The following MANEAL variants were observed in gnomAD, a reference collection of about 807,000 sequenced individuals.
MANEAL encodes glycoprotein endo-alpha-1,2-mannosidase-like protein.
MANEAL carries 28 observed loss-of-function variants against 35.9 expected under a neutral mutation model. The ratio of observed to expected loss-of-function variants is 0.78; its 90% CI spans 0.58 to 1.07. MANEAL has a LOEUF of 1.07. Among genes scored for constraint, MANEAL ranks in the 50% least tolerant of loss-of-function variants. The pLI, the probability that MANEAL is intolerant of heterozygous loss-of-function variation, is 0.00. For missense variants in MANEAL, 576 were observed against 629.6 expected, an observed-to-expected ratio of 0.91 and a Z score of 0.91; for synonymous variants, 286 against 272.2, an observed-to-expected ratio of 1.05 and a Z score of -0.50.
At chr1:37,798,837 A>C (rs1296065889) in intron 3 of MANEAL, among the ~76,000 whole-genome samples, 1 of 152,086 alleles carries the variant, frequency 6.6e-6, no homozygotes, top group East Asian at 1.9e-4. Flanking sequence ...TCAGGAGTTC[A>C]AGACCAGCCT....
In MANEAL at chr1:37,794,320, C is replaced by T; in HGVS notation, c.138C>T (p.Pro46=). ...PALGPGLELA[P]FERRPEGAPA... is the part of the protein sequence containing the mutation. ...TGGGCCCGGGCCTGGAGCTGGCGCC[C>T]TTTGAGCGACGCCCAGAGGGGGCCC... Residue 46 remains proline (P), a synonymous_variant, in exon 1 of 4, where the codon CCC becomes CCT. Transcript: ENST00000373045. This position sits in a 1 kb window ranked among gnomAD's most constrained non-coding sequence, Gnocchi z 5.7. 8.8e-7 allele frequency: 1 copy of T among 1,136,404 alleles called. No homozygotes were observed. The highest frequency in any genetic ancestry group is 1.1e-6 in the Non-Finnish European group (1 of 924,732). 70.4% of individuals were successfully genotyped at this position (1,136,404 alleles called of 1,614,324 possible). A position where few individuals can be genotyped will look rare whatever the true frequency, so the allele number is the denominator to read the frequency against.
chr1:37,797,684 T>A (rs1038423180), intron 3 of MANEAL, among the ~76,000 whole-genome samples: 1 of 152,002 alleles, frequency 6.6e-6, no homozygotes, highest in African/African-American at 2.4e-5. Flanking sequence ...TGCACAGCTA[T>A]GGTCCCAGCT....
In MANEAL at chr1:37,799,052, T is replaced by G. The variant is rs1447268480; in HGVS notation, c.738-515T>G. On this transcript the variant is annotated intron_variant, in intron 3 of 3. Coordinates refer to ENST00000373045, the MANE Select transcript of MANEAL (RefSeq NM_001113482.2). The surrounding 1 kb of genome is among the most constrained non-coding windows in gnomAD (Gnocchi z 4.1). ...AAGACCCTATCTCAGAAAAAAGTAG[T>G]AATAATAAGAAGAAAAAAGAAAAGA... Among the ~76,000 whole-genome samples, 1 of 151,304 alleles carries G rather than the reference T, an allele frequency of 6.6e-6. No homozygotes were observed. The highest frequency in any genetic ancestry group is 2.4e-5 in the African/African-American group (1 of 41,084).
In MANEAL at chr1:37,799,816, T is replaced by A; in HGVS notation, c.987T>A (p.Asn329Lys). The A allele has an allele frequency of 6.2e-7, 1 of 1,614,242 alleles. No individual in the cohort carries two copies. The highest frequency in any genetic ancestry group is 1.3e-5 in the African/African-American group (1 of 75,058). The change falls in exon 4 of 4, where the codon AAT becomes AAA. Residue 329 changes from asparagine to lysine, a missense_variant. By Grantham distance (94) the Asn-to-Lys change is moderately conservative. Transcript: ENST00000373045. The surrounding 1 kb of genome is among the most constrained non-coding windows in gnomAD (Gnocchi z 4.1). Reference protein sequence around the residue: ...FDGMYTYFASNGFSFGSSHQN... With the variant: ...FDGMYTYFASKGFSFGSSHQN... ...GCATGTACACCTACTTTGCCTCCAA[T>A]GGTTTCTCCTTTGGTTCTTCCCATC... is the stretch of plus-strand genomic sequence containing the variant.
At position 37,794,293 on chromosome 1, in the gene MANEAL, G is replaced by A; in HGVS notation, c.111G>A (p.Ala37=). 1 of 1,230,716 alleles carries A rather than the reference G, an allele frequency of 8.1e-7. No homozygotes were observed. The highest frequency in any genetic ancestry group is 1.0e-6 in the Non-Finnish European group (1 of 975,138). 76.2% of individuals were successfully genotyped at this position (1,230,716 alleles called of 1,614,324 possible). The change falls in exon 1 of 4, where the codon GCG becomes GCA. Residue 37 remains alanine, a synonymous_variant. Coordinates refer to ENST00000373045, the MANE Select transcript of MANEAL (RefSeq NM_001113482.2). The surrounding 1 kb of genome is among the most constrained non-coding windows in gnomAD (Gnocchi z 5.7). Reference sequence around the variant, plus strand: ...TCAAGGCTCCGGACGGACTCCCGGCGCTGGGCCCGGGCCTGGAGCTGGCGC... The same window carrying A: ...TCAAGGCTCCGGACGGACTCCCGGCACTGGGCCCGGGCCTGGAGCTGGCGC... ...RTLKAPDGLP[A]LGPGLELAPF...
intron 1 of MANEAL, 92 bp from the exon 2 acceptor site, chr1:37,795,645 C>A: frequency 1.3e-6 from 2 of 1,586,990 alleles, no homozygotes; most frequent in Non-Finnish European, 1.7e-6. Flanking sequence ...TTTTAGGAAC[C>A]ATTTTTGCAA....
Position 37,799,120 on chromosome 1 carries a change from T to C in MANEAL, c.738-447T>C, listed in dbSNP as rs954246567. On this transcript the variant is annotated intron_variant, in intron 3 of 3. Coordinates refer to ENST00000373045, the MANE Select transcript of MANEAL (RefSeq NM_001113482.2). This position sits in a 1 kb window ranked among gnomAD's most constrained non-coding sequence, Gnocchi z 4.1. Reference sequence around the variant, plus strand: ...AAAGATCCGGAGGCAGGGAGAAAATTCCAAGCAGAGGGCTGGCAGATGCAA... The same window carrying C: ...AAAGATCCGGAGGCAGGGAGAAAATCCCAAGCAGAGGGCTGGCAGATGCAA... Among the ~76,000 whole-genome samples the C allele has an allele frequency of 2.0e-5, 3 of 151,824 alleles. No homozygotes were observed. The highest frequency in any genetic ancestry group is 4.4e-5 in the Non-Finnish European group (3 of 67,964).
rs1187332899 is a variant in MANEAL at position 37,800,079 on chromosome 1, T to C, written c.1250T>C (p.Ile417Thr). 1.2e-6 allele frequency: 2 copies of C among 1,614,112 alleles called. No homozygotes were observed. Among genetic ancestry groups the C allele is most frequent in the African/African-American group, 1.3e-5 (1 of 75,058 alleles). The change falls in exon 4 of 4, where the codon ATT becomes ACT. Residue 417 changes from isoleucine to threonine, a missense_variant. Physicochemically the swap from Ile to Thr is moderately conservative, Grantham distance 89. Transcript: ENST00000373045. ...WHEGTQIEKAIPKKTPTRLYL... is the reference protein window; with the variant it reads ...WHEGTQIEKATPKKTPTRLYL... ...GAGGGCACCCAGATTGAGAAGGCCA[T>C]TCCCAAGAAGACACCCACCCGCCTG... is the stretch of plus-strand genomic sequence containing the variant.
intron 2 of MANEAL, among the ~76,000 whole-genome samples, chr1:37,796,420 GAC>G (rs1646645442): frequency 6.6e-6 from 1 of 152,212 alleles, no homozygotes; most frequent in South Asian, 2.1e-4. Flanking sequence ...GTTTTCCACT[GAC>G]ACAGCTTCAG....
Position 37,794,657 on chromosome 1 carries a change from G to C in MANEAL, c.475G>C (p.Glu159Gln). ...PDDLGSSFYP[E>Q]LGPYSSRDPE... ...CGACTTGGGCTCCAGCTTCTACCCG[G>C]AGCTGGGGCCCTACAGCTCCCGGGA... The change falls in exon 1 of 4, where the codon GAG becomes CAG. Residue 159 changes from glutamate (E) to glutamine (Q), a missense_variant. Glu to Gln is a conservative substitution (Grantham distance 29). Around this residue, in one of 3 missense-constraint regions of MANEAL, gnomAD observed 449 missense variants for 516.1 expected, o/e 0.87. Coordinates refer to ENST00000373045, the MANE Select transcript of MANEAL (RefSeq NM_001113482.2). This position sits in a 1 kb window ranked among gnomAD's most constrained non-coding sequence, Gnocchi z 5.7. The C allele has an allele frequency of 6.2e-7, 1 of 1,610,288 alleles. No individual in the cohort carries two copies. Among genetic ancestry groups the C allele is most frequent in the Non-Finnish European group, 8.5e-7 (1 of 1,179,052 alleles).
At position 37,794,562 on chromosome 1, in the gene MANEAL, A is replaced by G; in HGVS notation, c.380A>G (p.His127Arg). ...RREGHYIHWDHVMVPHWDPKI... is the reference protein window; with the variant it reads ...RREGHYIHWDRVMVPHWDPKI... ...GAGGGCCACTACATTCACTGGGACC[A>G]CGTCATGGTGCCGCACTGGGACCCC... The change falls in exon 1 of 4, where the codon CAC becomes CGC. Residue 127 changes from histidine (H) to arginine (R), a missense_variant. By Grantham distance (29) the His-to-Arg change is conservative (BLOSUM62 0). Around this residue, in one of 3 missense-constraint regions of MANEAL, gnomAD observed 449 missense variants for 516.1 expected, o/e 0.87. Coordinates refer to ENST00000373045, the MANE Select transcript of MANEAL (RefSeq NM_001113482.2). This position sits in a 1 kb window ranked among gnomAD's most constrained non-coding sequence, Gnocchi z 5.7. The G allele has an allele frequency of 1.2e-6, 2 of 1,611,856 alleles. No homozygotes were observed. The highest frequency in any genetic ancestry group is 1.7e-6 in the Non-Finnish European group (2 of 1,179,618).
At chr1:37,797,559 C>G (rs1646656137) in intron 3 of MANEAL, among the ~76,000 whole-genome samples, 1 of 148,322 alleles carries the variant, frequency 6.7e-6, no homozygotes, top group Non-Finnish European at 1.5e-5. Context: ...CAACCTCTGC[C>G]TCCTGGGTTC....
In MANEAL at chr1:37,800,010, T is replaced by C; in HGVS notation, c.1181T>C (p.Val394Ala). ...ACGGCCCTGCAGGCGGCCCTGACAG[T>C]GAGGCCCGAGATCGTTTCCATTACC... ...YETALQAALT[V>A]RPEIVSITSF... Residue 394 changes from valine to alanine, a missense_variant, in exon 4 of 4, where the codon GTG (valine) becomes GCG (alanine). Physicochemically the swap from Val to Ala is moderately conservative, Grantham distance 64 (BLOSUM62 0). This residue lies in a region of MANEAL where 449 missense variants were observed against 516.1 expected (regional missense o/e 0.87). Transcript: ENST00000373045. The C allele has an allele frequency of 6.2e-7, 1 of 1,614,156 alleles. No individual in the cohort carries two copies. Among genetic ancestry groups the C allele is most frequent in the Non-Finnish European group, 8.5e-7 (1 of 1,180,032 alleles).
In MANEAL at chr1:37,799,609, G is replaced by T. The variant is rs1646676821; in HGVS notation, c.780G>T (p.Met260Ile). 6.2e-7 allele frequency: 1 copy of T among 1,614,012 alleles called. No individual in the cohort carries two copies. The highest frequency in any genetic ancestry group is 1.7e-5 in the Admixed American group (1 of 59,992). Residue 260 changes from methionine (M) to isoleucine (I), a missense_variant, in exon 4 of 4, where the codon ATG becomes ATT. Around this residue, in one of 3 missense-constraint regions of MANEAL, gnomAD observed 449 missense variants for 516.1 expected, o/e 0.87. Coordinates refer to ENST00000373045, the MANE Select transcript of MANEAL (RefSeq NM_001113482.2). The surrounding 1 kb of genome is among the most constrained non-coding windows in gnomAD (Gnocchi z 4.1). ...CATTTTACCGCTATAAGAACAGCAT[G>T]GGCAAGAGCCTCCCACTCTTTTATA... ...HGAFYRYKNSMGKSLPLFYIY... is the reference protein window; with the variant it reads ...HGAFYRYKNSIGKSLPLFYIY...
rs1042411478 is a variant in MANEAL, at chr1:37,799,384, G to T, written c.738-183G>T. Among the ~76,000 whole-genome samples, 4 of 152,312 alleles carry T rather than the reference G, an allele frequency of 2.6e-5. No homozygotes were observed. The East Asian group carries it at 5.8e-4, about 22-fold the overall frequency. ...GCTAAGGGTAGGGAAGTGAGGCTTAGGAATGACAACTGGAGAGAGGAAGGA... is the reference window on the plus strand; with the variant it reads ...GCTAAGGGTAGGGAAGTGAGGCTTATGAATGACAACTGGAGAGAGGAAGGA... On this transcript the variant is annotated intron_variant, in intron 3 of 3. Transcript: ENST00000373045. This position sits in a 1 kb window ranked among gnomAD's most constrained non-coding sequence, Gnocchi z 4.1.
rs1200203695 is a variant in MANEAL, at chr1:37,794,823, C to T, written c.550+91C>T. On this transcript the variant is annotated intron_variant, in intron 1 of 3. Coordinates refer to ENST00000373045, the MANE Select transcript of MANEAL (RefSeq NM_001113482.2). This position sits in a 1 kb window ranked among gnomAD's most constrained non-coding sequence, Gnocchi z 5.7. The stretch of plus-strand genomic sequence containing the variant: ...GCTCCCTCTGGTCCTGTCACCGGCC[C>T]TTTGGTCCCACTTATCCGCCAGCCT... The T allele has an allele frequency of 6.9e-6, 6 of 869,888 alleles. No homozygotes were observed. Among genetic ancestry groups the T allele is most frequent in the African/African-American group, 1.7e-5 (1 of 59,550 alleles). 53.9% of individuals were successfully genotyped at this position (869,888 alleles called of 1,614,324 possible).
In MANEAL at chr1:37,799,875, C is replaced by T. The variant is rs926955669; in HGVS notation, c.1046C>T (p.Ala349Val). The change falls in exon 4 of 4, where the codon GCC becomes GTC. Residue 349 changes from alanine (A) to valine (V), a missense_variant. By Grantham distance (64) the Ala-to-Val change is moderately conservative (BLOSUM62 0). This residue lies in a region of MANEAL where 449 missense variants were observed against 516.1 expected (regional missense o/e 0.87). Transcript: ENST00000373045. The surrounding 1 kb of genome is among the most constrained non-coding windows in gnomAD (Gnocchi z 4.1). Reference protein sequence around the residue: ...NWKAVKNFCDANNLMFIPSVG... With the variant: ...NWKAVKNFCDVNNLMFIPSVG... The stretch of plus-strand genomic sequence containing the variant: ...AAAGCTGTGAAGAACTTTTGTGATG[C>T]CAACAACCTCATGTTCATCCCCAGT... 6.2e-7 allele frequency: 1 copy of T among 1,614,122 alleles called. No homozygotes were observed. The highest frequency in any genetic ancestry group is 8.5e-7 in the Non-Finnish European group (1 of 1,180,040).
chr1:37,799,647 A>G lies in MANEAL; in HGVS notation c.818A>G (p.Tyr273Cys). ...CCACTCTTTTATATCTACGACTCATACCTGACGTCCCCTGAGGCCTGGGCC... is the reference window on the plus strand; with the variant it reads ...CCACTCTTTTATATCTACGACTCATGCCTGACGTCCCCTGAGGCCTGGGCC... ...SLPLFYIYDS[Y>C]LTSPEAWAHL... The change falls in exon 4 of 4, where the codon TAC (tyrosine) becomes TGC (cysteine). Residue 273 changes from tyrosine to cysteine, a missense_variant. By Grantham distance (194) the Tyr-to-Cys change is radical. Coordinates refer to ENST00000373045, the MANE Select transcript of MANEAL (RefSeq NM_001113482.2). This position sits in a 1 kb window ranked among gnomAD's most constrained non-coding sequence, Gnocchi z 4.1. The G allele has an allele frequency of 6.2e-7, 1 of 1,614,084 alleles. No individual in the cohort carries two copies. Among genetic ancestry groups the G allele is most frequent in the Non-Finnish European group, 8.5e-7 (1 of 1,180,024 alleles).
intron 3 of MANEAL, among the ~76,000 whole-genome samples, chr1:37,797,939 C>T (rs1275662998): frequency 6.6e-6 from 1 of 151,600 alleles, no homozygotes; most frequent in African/African-American, 2.4e-5. Flanking sequence ...TGCTTGAGGC[C>T]AGGAGTTTGA....
Sources: allele counts gnomAD v4.1 joint callset (sites outside exome capture counted in the v4.1 genomes callset), GRCh38; gene constraint gnomAD v4.1.1; regional missense constraint gnomAD v4.1.1; non-coding constraint Gnocchi (gnomAD v3.1); transcripts MANE v1.5; gene names NCBI Gene and HGNC (gene_info 2026-07-23, HGNC 2026-07-21).